The following MYO1E variants were observed in gnomAD, a reference collection of about 807,000 sequenced individuals.
MYO1E encodes the protein unconventional myosin-Ie.
In MYO1E, 68 loss-of-function variants were observed where a neutral mutation model predicts 151.1. That is an observed-to-expected ratio of 0.45 (90% confidence interval 0.37 to 0.55). The LOEUF (loss-of-function observed/expected upper bound fraction) is 0.55, where lower values mean the gene tolerates loss of function less well. Among genes scored for constraint, MYO1E ranks in the 20% least tolerant of loss-of-function variants. MYO1E has a pLI of 0.00. For missense variants in MYO1E, 1,363 were observed against 1,389.3 expected, an observed-to-expected ratio of 0.98 and a Z score of 0.30; for synonymous variants, 601 against 501.7, an observed-to-expected ratio of 1.20 and a Z score of -2.64.
At chr15:59,330,338 C>T (rs1307081971) in intron 1 of MYO1E, among the ~76,000 whole-genome samples, 1 of 152,186 alleles carries the variant, frequency 6.6e-6, no homozygotes, top group Non-Finnish European at 1.5e-5. Context: ...CTCATCCTTC[C>T]TTGCTCACCC....
chr15:59,246,121 C>A (rs1299950952), intron 4 of MYO1E, among the ~76,000 whole-genome samples: 1 of 151,854 alleles, frequency 6.6e-6, no homozygotes, highest in African/African-American at 2.4e-5. Context: ...AATTTTTAAT[C>A]TTTTTTTATT....
chr15:59,328,569 T>C (rs1174496150), intron 1 of MYO1E, among the ~76,000 whole-genome samples: 2 of 152,136 alleles, frequency 1.3e-5, no homozygotes, highest in Admixed American at 1.3e-4. Flanking sequence ...ATACTTAGTA[T>C]TTTATAATGA....
At chr15:59,146,212 G>A (rs1347137419) in intron 26 of MYO1E, among the ~76,000 whole-genome samples, 2 of 152,116 alleles carry the variant, frequency 1.3e-5, no homozygotes, top group Non-Finnish European at 2.9e-5. Flanking sequence ...AATTTTGGTA[G>A]GTCTGGTACT....
At chr15:59,176,823 G>C (rs1327079605) in intron 19 of MYO1E, among the ~76,000 whole-genome samples, 1 of 152,124 alleles carries the variant, frequency 6.6e-6, no homozygotes, top group African/African-American at 2.4e-5. Flanking sequence ...GTATGCGTTT[G>C]GGGCAGGGGA....
intron 18 of MYO1E, among the ~76,000 whole-genome samples, chr15:59,185,645 G>C (rs1443340967): frequency 6.6e-6 from 1 of 152,234 alleles, no homozygotes; most frequent in East Asian, 1.9e-4. Context: ...GGAGGCTAAG[G>C]CAGGAGGACT....
rs1187061974 is a variant in MYO1E at position 59,136,135 on chromosome 15, C to G, written c.*1245G>C. The G allele has an allele frequency of 6.6e-6, 1 of 152,568 alleles. No individual in the cohort carries two copies. The highest frequency in any genetic ancestry group is 1.5e-5 in the Non-Finnish European group (1 of 68,352). The allele number at this position is 152,568 out of a possible 1,614,324, so 9.5% of individuals were successfully genotyped here. The stretch of plus-strand genomic sequence containing the variant: ...CTCCCTGCCTTTTCACATGGTCTTT[C>G]CTCTGGCATGTTGGTCTCTGTGTCC... On this transcript the variant is annotated 3_prime_UTR_variant, in exon 28 of 28. Transcript: ENST00000288235.
intron 1 of MYO1E, among the ~76,000 whole-genome samples, chr15:59,354,733 G>A (rs1263417688): frequency 6.6e-6 from 1 of 152,134 alleles, no homozygotes; most frequent in Non-Finnish European, 1.5e-5. Flanking sequence ...CACCCCTTGT[G>A]GGGACAGGTC....
At chr15:59,320,017 T>G (rs1326422342) in intron 1 of MYO1E, among the ~76,000 whole-genome samples, 1 of 152,210 alleles carries the variant, frequency 6.6e-6, no homozygotes, top group Non-Finnish European at 1.5e-5. Flanking sequence ...TCAGTAGCAT[T>G]TCTATACACC....
rs149991957 is a variant in MYO1E at position 59,133,525 on chromosome 15, A to G, written c.*3855T>C. Reference sequence around the variant, plus strand: ...TGGAAAGGTATGATCTAGTAGGGAAAAAGACATCAAGATTAGTGGGTAGGA... The same window carrying G: ...TGGAAAGGTATGATCTAGTAGGGAAGAAGACATCAAGATTAGTGGGTAGGA... On this transcript the variant is annotated 3_prime_UTR_variant, in exon 28 of 28. Coordinates refer to ENST00000288235, the MANE Select transcript of MYO1E (RefSeq NM_004998.4). The G allele has an allele frequency of 1.3e-5, 2 of 152,190 alleles. No homozygotes were observed. Among genetic ancestry groups the G allele is most frequent in the East Asian group, 3.9e-4 (2 of 5,184 alleles). The allele number at this position is 152,190 out of a possible 1,614,324, so 9.4% of individuals were successfully genotyped here.
rs59911378 is a variant in MYO1E at position 59,315,379 on chromosome 15, G to A, written c.4-42930C>T. ...ATCTCAGAACTGGAAGGGGTCTTAC[G>A]AAAGGTCTACTAGTTAGGGTGGGCG... On this transcript the variant is annotated intron_variant, in intron 1 of 27. Coordinates refer to ENST00000288235, the MANE Select transcript of MYO1E (RefSeq NM_004998.4). Among the ~76,000 whole-genome samples, 22 of 152,068 alleles carry A rather than the reference G, an allele frequency of 1.4e-4. No homozygotes were observed. The South Asian group carries it at 2.9e-3, about 20-fold the overall frequency.
At chr15:59,358,413 G>A (rs1214260034) in intron 1 of MYO1E, among the ~76,000 whole-genome samples, 6 of 152,140 alleles carry the variant, frequency 3.9e-5, no homozygotes, top group Non-Finnish European at 5.9e-5. Flanking sequence ...GCTTCAAGGA[G>A]AGGATGGACA....
intron 26 of MYO1E, among the ~76,000 whole-genome samples, chr15:59,151,267 A>T (rs2079476941): frequency 1.3e-5 from 2 of 151,976 alleles, no homozygotes; most frequent in African/African-American, 4.8e-5. Flanking sequence ...CTCTACAAAA[A>T]AAAACCAAAA....
At chr15:59,186,893 C>T (rs2079701713) in intron 18 of MYO1E, among the ~76,000 whole-genome samples, 1 of 152,164 alleles carries the variant, frequency 6.6e-6, no homozygotes, top group Admixed American at 6.5e-5. Flanking sequence ...AAGGGTACCA[C>T]ATTTTATCCT....
At chr15:59,333,065 G>A (rs997373186) in intron 1 of MYO1E, among the ~76,000 whole-genome samples, 2 of 152,046 alleles carry the variant, frequency 1.3e-5, no homozygotes, top group Non-Finnish European at 2.9e-5. Context: ...ATCTGGATTG[G>A]CCATACACAG....
At chr15:59,182,994 G>T (rs1254257352) in intron 18 of MYO1E, among the ~76,000 whole-genome samples, 3 of 152,194 alleles carry the variant, frequency 2.0e-5, no homozygotes, top group Admixed American at 6.5e-5. Context: ...TCACAATAGG[G>T]TTTGTGCTCC....
At chr15:59,305,706 G>A (rs147952057) in intron 1 of MYO1E, among the ~76,000 whole-genome samples, 379 of 152,304 alleles carry the variant, frequency 2.5e-3, no homozygotes, top group African/African-American at 8.2e-3. Flanking sequence ...ATTGTGAGCT[G>A]TGCTTCCTTT....
At chr15:59,226,517 T>C (rs552125097) in intron 7 of MYO1E, among the ~76,000 whole-genome samples, 2 of 152,338 alleles carry the variant, frequency 1.3e-5, no homozygotes, top group Admixed American at 1.3e-4. Context: ...CAAAAGTACC[T>C]GAATCAGGGC....
intron 26 of MYO1E, among the ~76,000 whole-genome samples, chr15:59,148,997 C>T (rs1348517350): frequency 6.6e-6 from 1 of 150,970 alleles, no homozygotes; most frequent in South Asian, 2.1e-4. Context: ...TTACAAAGCA[C>T]ACTGGATAGT....
intron 1 of MYO1E, among the ~76,000 whole-genome samples, chr15:59,282,225 A>C (rs1204986121): frequency 6.6e-6 from 1 of 152,132 alleles, no homozygotes; most frequent in Non-Finnish European, 1.5e-5. Context: ...TGCAGGCGAG[A>C]GTCTAGGTTG....
Sources: gnomAD v4.1 joint callset for allele counts (sites outside exome capture counted in the v4.1 genomes callset) on GRCh38, gnomAD v4.1.1 for gene constraint, MANE v1.5 for transcripts, NCBI Gene and HGNC (gene_info 2026-07-23, HGNC 2026-07-21) for gene names.